The following DFFB variants were observed in gnomAD, a reference collection of about 807,000 sequenced individuals.
DFFB encodes the protein DNA fragmentation factor 40 kDa subunit.
A neutral mutation model predicts 32.7 loss-of-function variants in DFFB; 29 were observed. The ratio of observed to expected loss-of-function variants is 0.89; its 90% CI spans 0.66 to 1.21. The LOEUF (loss-of-function observed/expected upper bound fraction) is 1.21, where lower values mean the gene tolerates loss of function less well. Ranked by LOEUF, DFFB falls within the 50% of genes most tolerant of loss-of-function variation. The probability of loss-of-function intolerance (pLI) is 0.00; values close to 1 mark genes in which losing one functional copy is unlikely to be tolerated. For missense variants in DFFB, 398 were observed against 440.6 expected (o/e 0.90, Z 0.87); for synonymous variants, 170 against 177.1 (o/e 0.96, Z 0.32).
At chr1:3,870,143 G>C (rs751363898) in intron 5 of DFFB, among the ~76,000 whole-genome samples, 1 of 152,224 alleles carries the variant, frequency 6.6e-6, no homozygotes, top group African/African-American at 2.4e-5. Context: ...GATCAGGTCC[G>C]CACTCCCCCG....
At chr1:3,860,500 A>T in intron 2 of DFFB, 1 of 436,394 alleles carries the variant, frequency 2.3e-6, no homozygotes, top group Non-Finnish European at 4.7e-6. Context: ...AAGTGCTGGG[A>T]TTACAGGTAT....
intron 1 of DFFB, 22 bp downstream of exon 1, chr1:3,857,739 G>A: frequency 2.1e-6 from 3 of 1,455,454 alleles, no homozygotes; most frequent in Non-Finnish European, 1.8e-6. Flanking sequence ...GCTAGGCGGG[G>A]ACGGCCCGTC....
At position 3,884,409 on chromosome 1, in the gene DFFB, G is replaced by T; in HGVS notation, c.*668G>T. ...GCTGAAGTTGGCCACCTTGCTTGAGGGACAAGTTGTTTATGTATCAGCTCT... is the reference window on the plus strand; with the variant it reads ...GCTGAAGTTGGCCACCTTGCTTGAGTGACAAGTTGTTTATGTATCAGCTCT... On this transcript the variant is annotated 3_prime_UTR_variant, in exon 7 of 7. Coordinates refer to ENST00000378209, the MANE Select transcript of DFFB (RefSeq NM_004402.4). 6.5e-6 allele frequency: 1 copy of T among 152,674 alleles called. No individual in the cohort carries two copies. Among genetic ancestry groups the T allele is most frequent in the Non-Finnish European group, 1.5e-5 (1 of 68,364 alleles). The allele number at this position is 152,674 out of a possible 1,614,324, so 9.5% of individuals were successfully genotyped here. A position where few individuals can be genotyped will look rare whatever the true frequency, so the allele number is the denominator to read the frequency against.
At chr1:3,857,993 G>A (rs1644789230) in intron 1 of DFFB, among the ~76,000 whole-genome samples, 3 of 152,210 alleles carry the variant, frequency 2.0e-5, no homozygotes, top group African/African-American at 7.2e-5. Flanking sequence ...GACCCGGGTA[G>A]AGTGCCAGGT....
At chr1:3,858,678 G>T in intron 1 of DFFB, 40 bp from the exon 2 acceptor site, 1 of 1,605,906 alleles carries the variant, frequency 6.2e-7, no homozygotes, top group South Asian at 1.1e-5. Flanking sequence ...CCCTCGTCTT[G>T]AGACCCTTCC....
At chr1:3,863,995 T>C (rs893838872) in intron 2 of DFFB, among the ~76,000 whole-genome samples, 2 of 152,014 alleles carry the variant, frequency 1.3e-5, no homozygotes, top group Admixed American at 6.6e-5. Flanking sequence ...TGAGATGAAG[T>C]CTTGCTCTCT....
intron 2 of DFFB, chr1:3,860,605 T>G: frequency 4.1e-6 from 1 of 244,368 alleles, no homozygotes; most frequent in Non-Finnish European, 8.9e-6. Context: ...CCTCTACCCT[T>G]TCCCTCAAAG....
Position 3,885,335 on chromosome 1 carries a change from A to C in DFFB, c.*1594A>C, listed in dbSNP as rs1195027561. 6.6e-6 allele frequency: 1 copy of C among 152,228 alleles called. No individual in the cohort carries two copies. Among genetic ancestry groups the C allele is most frequent in the Non-Finnish European group, 1.5e-5 (1 of 68,034 alleles). The allele number at this position is 152,228 out of a possible 1,614,324, so 9.4% of individuals were successfully genotyped here. A position where few individuals can be genotyped will look rare whatever the true frequency, so the allele number is the denominator to read the frequency against. On this transcript the variant is annotated 3_prime_UTR_variant, in exon 7 of 7. Coordinates refer to ENST00000378209, the MANE Select transcript of DFFB (RefSeq NM_004402.4). ...ATGGGCATTTATTTTATAACATGTT[A>C]AAATGTACTTTTTAAATTAAGTCAT...
chr1:3,866,695 C>T (rs1226336734), intron 3 of DFFB, among the ~76,000 whole-genome samples: 1 of 152,164 alleles, frequency 6.6e-6, no homozygotes, highest in Non-Finnish European at 1.5e-5. Context: ...CCTTGCAAAG[C>T]TGAACCCGTG....
In DFFB at chr1:3,873,788, AT is replaced by A. The variant is rs1015470648; in HGVS notation, c.782+1223del. ...GCCACTGCATCCGGCCAGATGTGGG[AT>A]TTTTTTAAGGATGCTCAGCTAGTCA... is the stretch of plus-strand genomic sequence containing the variant. On this transcript the variant is annotated intron_variant, in intron 6 of 6. Transcript: ENST00000378209. Among the ~76,000 whole-genome samples the A allele has an allele frequency of 2.6e-5, 4 of 152,120 alleles. No individual in the cohort carries two copies. The South Asian group carries it at 6.2e-4, about 24-fold the overall frequency.
intron 6 of DFFB, among the ~76,000 whole-genome samples, chr1:3,879,741 C>T (rs1645299221): frequency 6.6e-6 from 1 of 152,212 alleles, no homozygotes; most frequent in African/African-American, 2.4e-5. Flanking sequence ...GGAATTCTCT[C>T]TTCAGCTGTT....
chr1:3,879,714 C>T (rs1197982816), intron 6 of DFFB, among the ~76,000 whole-genome samples: 1 of 152,146 alleles, frequency 6.6e-6, no homozygotes, highest in Non-Finnish European at 1.5e-5. Context: ...CACACTAAGA[C>T]ACTCCTGTAT....
At chr1:3,859,649 T>A (rs1306208065) in intron 2 of DFFB, among the ~76,000 whole-genome samples, 1 of 152,194 alleles carries the variant, frequency 6.6e-6, no homozygotes, top group East Asian at 1.9e-4. Flanking sequence ...CCTCCCCGGC[T>A]ACAGTGTTGG....
At chr1:3,861,574 T>G (rs1644881650) in intron 2 of DFFB, among the ~76,000 whole-genome samples, 2 of 152,000 alleles carry the variant, frequency 1.3e-5, no homozygotes, top group South Asian at 4.1e-4. Context: ...ACTACAGGGG[T>G]GCACCACCAT....
At chr1:3,863,472 C>T (rs531785410) in intron 2 of DFFB, among the ~76,000 whole-genome samples, 1 of 152,310 alleles carries the variant, frequency 6.6e-6, no homozygotes, top group Admixed American at 6.5e-5. Flanking sequence ...TCAACAATTA[C>T]ACAGAATCGC....
rs189412201 is a variant in DFFB, at chr1:3,883,252, G to T, written c.783-255G>T. ...ACTCCCAACCTCAAGTGATCCACCC[G>T]CCTCGGCCTCCCAAAGTGTTGGGAT... On this transcript the variant is annotated intron_variant, in intron 6 of 6. Transcript: ENST00000378209. Among the ~76,000 whole-genome samples the T allele has an allele frequency of 6.5e-3, 993 of 152,270 alleles. 10 individuals are homozygous for T. The highest frequency in any genetic ancestry group is 0.022 in the African/African-American group (935 of 41,564).
intron 4 of DFFB, among the ~76,000 whole-genome samples, chr1:3,869,009 C>T (rs1645055845): frequency 6.6e-6 from 1 of 152,254 alleles, no homozygotes; most frequent in Non-Finnish European, 1.5e-5. Flanking sequence ...CCCTTCCACG[C>T]ACCACTGCCT....
intron 2 of DFFB, among the ~76,000 whole-genome samples, chr1:3,859,582 G>C (rs958980457): frequency 1.3e-5 from 2 of 152,176 alleles, no homozygotes; most frequent in Non-Finnish European, 2.9e-5. Context: ...TGGAGCTGTG[G>C]CTCCTTGGCC....
chr1:3,873,556 C>T (rs1053491804), intron 6 of DFFB, among the ~76,000 whole-genome samples: 4 of 151,616 alleles, frequency 2.6e-5, no homozygotes, highest in Non-Finnish European at 4.4e-5. Context: ...CTCGGCTCAC[C>T]GCAACCTCCG....
Sources: allele counts gnomAD v4.1 joint callset (sites outside exome capture counted in the v4.1 genomes callset), GRCh38; gene constraint gnomAD v4.1.1; transcripts MANE v1.5; gene names NCBI Gene and HGNC (gene_info 2026-07-23, HGNC 2026-07-21).